The following CSMD1 variants were observed in gnomAD, a reference collection of about 807,000 sequenced individuals.
The protein encoded by CSMD1 is CUB and sushi domain-containing protein 1.
CSMD1 carries 213 observed loss-of-function variants against 417.5 expected under a neutral mutation model. The observed-to-expected ratio is 0.51, with a 90% CI of 0.46 to 0.57. CSMD1 has a LOEUF of 0.57. CSMD1 is among the 20% of genes least tolerant of loss of function. The pLI is 0.00. For synonymous variants in CSMD1, 2,862 were observed against 1,736.8 expected, an observed-to-expected ratio of 1.65 and a Z score of -16.11; for missense variants, 6,923 against 4,529.7, an observed-to-expected ratio of 1.53 and a Z score of -15.17.
chr8:4,834,275 G>A (rs1259088296), intron 1 of CSMD1, among the ~76,000 whole-genome samples: 1 of 152,106 alleles, frequency 6.6e-6, no homozygotes, highest in Non-Finnish European at 1.5e-5. Context: ...AGTATCTACC[G>A]AAAATCATTT....
At chr8:4,628,257 T>C (rs1177085079) in intron 2 of CSMD1, among the ~76,000 whole-genome samples, 2 of 151,462 alleles carry the variant, frequency 1.3e-5, no homozygotes, top group African/African-American at 4.8e-5. Flanking sequence ...TAATTCTTGG[T>C]CTTTCATACC....
chr8:3,000,538 G>A (rs1420955637), intron 52 of CSMD1, among the ~76,000 whole-genome samples: 1 of 152,110 alleles, frequency 6.6e-6, no homozygotes, highest in Non-Finnish European at 1.5e-5. Flanking sequence ...AGATCGGTGA[G>A]GGGGGCTTCC....
chr8:3,398,739 A>G (rs1811852747), intron 16 of CSMD1, among the ~76,000 whole-genome samples: 1 of 152,184 alleles, frequency 6.6e-6, no homozygotes, highest in South Asian at 2.1e-4. Context: ...TTAATCATCA[A>G]TTTGGTCTCA....
rs1266481513 is a variant in CSMD1 at position 3,110,344 on chromosome 8, G to A, written c.6431-9C>T. The A allele has an allele frequency of 6.3e-7, 1 of 1,585,190 alleles. No homozygotes were observed. The highest frequency in any genetic ancestry group is 1.2e-5 in the South Asian group (1 of 86,124). On this transcript the variant is annotated splice_polypyrimidine_tract_variant and intron_variant, in intron 42 of 69. Coordinates refer to ENST00000635120, the MANE Select transcript of CSMD1 (RefSeq NM_033225.6). ...GTTGTACCCACAAGGGGCTGCAAAGGAAACCAAGAAAAAACAAGCGCCATA... is the reference window on the plus strand; with the variant it reads ...GTTGTACCCACAAGGGGCTGCAAAGAAAACCAAGAAAAAACAAGCGCCATA...
chr8:3,447,214 G>C lies in CSMD1; in HGVS notation c.1561+21498C>G, dbSNP rs558145687. The stretch of plus-strand genomic sequence containing the variant: ...AAAGAAAAATGATGAACCAGCATGC[G>C]TCTGCATCTATCAAACACAAATTAA... On this transcript the variant is annotated intron_variant, in intron 12 of 69. Transcript: ENST00000635120. Among the ~76,000 whole-genome samples, 65 of 152,238 alleles carry C rather than the reference G, an allele frequency of 4.3e-4. No homozygotes were observed. The South Asian group carries it at 0.013, about 32-fold the overall frequency.
At chr8:4,445,893 G>A (rs115650094) in intron 2 of CSMD1, among the ~76,000 whole-genome samples, 132 of 152,294 alleles carry the variant, frequency 8.7e-4, no homozygotes, top group African/African-American at 2.9e-3. Flanking sequence ...AGAGGAGAGA[G>A]CACGGATGCA....
chr8:3,851,188 C>T (rs1007488161), intron 5 of CSMD1, among the ~76,000 whole-genome samples: 5 of 152,182 alleles, frequency 3.3e-5, no homozygotes, highest in African/African-American at 4.8e-5. Flanking sequence ...GTTTTCAAAG[C>T]ATGAGCCTGC....
At chr8:4,088,521 T>C (rs1192168948) in intron 3 of CSMD1, among the ~76,000 whole-genome samples, 1 of 152,192 alleles carries the variant, frequency 6.6e-6, no homozygotes. Context: ...CCCATGTCAC[T>C]GGTTAGGATG....
At chr8:3,615,576 T>C (rs1802095958) in intron 8 of CSMD1, among the ~76,000 whole-genome samples, 4 of 152,224 alleles carry the variant, frequency 2.6e-5, no homozygotes, top group Admixed American at 2.6e-4. Context: ...TGTAAAACAA[T>C]ATACCATTTT....
intron 33 of CSMD1, among the ~76,000 whole-genome samples, chr8:3,191,531 G>A (rs1796423170): frequency 6.6e-6 from 1 of 152,132 alleles, no homozygotes; most frequent in Non-Finnish European, 1.5e-5. Flanking sequence ...CTGTAAAATG[G>A]GAGGCCTTCA....
rs373685778 is a variant in CSMD1, at chr8:3,635,008, C to G, written c.1010-18211G>C. On this transcript the variant is annotated intron_variant, in intron 7 of 69. Coordinates refer to ENST00000635120, the MANE Select transcript of CSMD1 (RefSeq NM_033225.6). ...AAGAAATTTGTGTATCTAAACCTAA[C>G]TAAACATTGAAAAACTAAGGTAAAA... is the stretch of plus-strand genomic sequence containing the variant. 4.6e-5 allele frequency among the ~76,000 whole-genome samples: 7 copies of G among 151,920 alleles called. No homozygotes were observed. The East Asian group carries it at 1.4e-3, about 29-fold the overall frequency.
chr8:4,637,158 A>G (rs1035124012), intron 2 of CSMD1, among the ~76,000 whole-genome samples, 184 bp downstream of exon 2: 1 of 152,154 alleles, frequency 6.6e-6, no homozygotes, highest in African/African-American at 2.4e-5. Context: ...TTTCCCTGCC[A>G]TCTTTAAGAG....
intron 2 of CSMD1, among the ~76,000 whole-genome samples, chr8:4,595,558 C>G (rs912601416): frequency 6.6e-5 from 10 of 151,962 alleles, no homozygotes; most frequent in Non-Finnish European, 8.8e-5. Flanking sequence ...GCACAGAAAC[C>G]ATACATTCTC....
chr8:4,839,372 T>C (rs1001432162), intron 1 of CSMD1, among the ~76,000 whole-genome samples: 5 of 152,258 alleles, frequency 3.3e-5, no homozygotes, highest in Admixed American at 2.6e-4. Flanking sequence ...TTCATAATTA[T>C]GTCAAAGTAT....
At chr8:3,397,893 T>C (rs535824757) in intron 16 of CSMD1, among the ~76,000 whole-genome samples, 6 of 152,282 alleles carry the variant, frequency 3.9e-5, no homozygotes, top group Admixed American at 6.5e-5. Flanking sequence ...TCCCATCCTT[T>C]AAGGTGTCAG....
rs1323772153 is a variant in CSMD1 at position 4,076,534 on chromosome 8, G to C, written c.416-44435C>G. Reference sequence around the variant, plus strand: ...TATATGAACAAATAGAGCCAAAAACGAATACCTAAAACACAAATAGCTAAA... The same window carrying C: ...TATATGAACAAATAGAGCCAAAAACCAATACCTAAAACACAAATAGCTAAA... On this transcript the variant is annotated intron_variant, in intron 3 of 69. Transcript: ENST00000635120. 2.6e-5 allele frequency among the ~76,000 whole-genome samples: 4 copies of C among 152,214 alleles called. No individual in the cohort carries two copies. In the Middle Eastern group the frequency reaches 0.014, roughly 518 times the overall value.
In CSMD1 at chr8:4,629,092, C is replaced by T. The variant is rs182130209; in HGVS notation, c.302+8250G>A. ...GATAGTCTACATTTATATACTTAGA[C>T]ATGTTTGAATTTTCAAACATTATCA... On this transcript the variant is annotated intron_variant, in intron 2 of 69. Coordinates refer to ENST00000635120, the MANE Select transcript of CSMD1 (RefSeq NM_033225.6). 6.6e-3 allele frequency among the ~76,000 whole-genome samples: 999 copies of T among 152,210 alleles called. 5 individuals are homozygous for T. Among genetic ancestry groups the T allele is most frequent in the Non-Finnish European group, 8.2e-3 (558 of 68,012 alleles).
In CSMD1 at chr8:4,994,394, T is replaced by C. The variant is rs536770776; in HGVS notation, c.23A>G (p.Gln8Arg). 11 of 1,612,314 alleles carry C rather than the reference T, an allele frequency of 6.8e-6. No individual in the cohort carries two copies. In the East Asian group the frequency reaches 2.2e-4, roughly 33 times the overall value. MTAWRRF[Q>R]SLLLLLGLLV... ...CAGCCCGAGAAGCAGGAGCAGCGAC[T>C]GGAATCTCCTCCACGCAGTCATGTC... The change falls in exon 1 of 70, where the codon CAG becomes CGG. Residue 8 changes from glutamine to arginine, a missense_variant. Transcript: ENST00000635120.
At chr8:4,224,099 G>A (rs185692202) in intron 3 of CSMD1, among the ~76,000 whole-genome samples, 2 of 152,234 alleles carry the variant, frequency 1.3e-5, no homozygotes, top group Non-Finnish European at 2.9e-5. Context: ...TGAGGATTTT[G>A]CCAGGCTAAG....
Sources: gnomAD v4.1 joint callset for allele counts (sites outside exome capture counted in the v4.1 genomes callset) on GRCh38, gnomAD v4.1.1 for gene constraint, MANE v1.5 for transcripts, NCBI Gene and HGNC (gene_info 2026-07-23, HGNC 2026-07-21) for gene names.